Variants in VRK2 observed in about 807,000 individuals in gnomAD.
VRK2 encodes the protein serine/threonine-protein kinase VRK2.
A neutral mutation model predicts 57.6 loss-of-function variants in VRK2; 60 were observed. The ratio of observed to expected loss-of-function variants is 1.04; its 90% CI spans 0.85 to 1.29. VRK2 has a LOEUF of 1.29. Among genes scored for constraint, VRK2 ranks in the 50% most tolerant of loss-of-function variants. The pLI is 0.00. For synonymous variants in VRK2, 231 were observed against 199.2 expected (o/e 1.16, Z -1.35); for missense variants, 705 against 588.1 (o/e 1.20, Z -2.06).
In VRK2 at chr2:58,076,955, A is replaced by G. The variant is rs2104053146; in HGVS notation, c.137-7134A>G. Among the ~76,000 whole-genome samples the G allele has an allele frequency of 2.6e-5, 4 of 152,184 alleles. No homozygotes were observed. In the South Asian group the frequency reaches 8.3e-4, roughly 31 times the overall value. On this transcript the variant is annotated intron_variant, in intron 2 of 12. Coordinates refer to ENST00000340157, the MANE Select transcript of VRK2 (RefSeq NM_006296.7). The stretch of plus-strand genomic sequence containing the variant: ...GATATATTATAAAATAGCACATAGT[A>G]CATTACATAGTTATCAACACCAGAA...
chr2:58,046,412 T>C (rs1674754539), upstream of VRK2: 9 of 866,458 alleles, frequency 1.0e-5, no homozygotes, highest in South Asian at 3.7e-4. Flanking sequence ...CAATAGTTAG[T>C]TGCTCGGCGA....
At chr2:58,050,540 C>A (rs1414659934) in intron 2 of VRK2, among the ~76,000 whole-genome samples, 1 of 152,150 alleles carries the variant, frequency 6.6e-6, no homozygotes, top group Non-Finnish European at 1.5e-5. Context: ...CATAGCTTAT[C>A]ACTTTTGGTT....
chr2:58,062,883 A>G (rs1380150429), intron 2 of VRK2, among the ~76,000 whole-genome samples: 3 of 152,128 alleles, frequency 2.0e-5, no homozygotes, highest in Non-Finnish European at 4.4e-5. Flanking sequence ...GGTTACACTA[A>G]ATAACAAATT....
In VRK2 at chr2:58,131,804, A is replaced by G. The variant is rs780474926; in HGVS notation, c.677-4A>G. On this transcript the variant is annotated splice_region_variant and splice_polypyrimidine_tract_variant and intron_variant, in intron 8 of 12. Transcript: ENST00000340157. ...ATCTTTCTCTCTAATGCTTACTCCT[A>G]TAGCCTTGTCCAGACGAAGTGACGT... 4.5e-5 allele frequency: 73 copies of G among 1,607,924 alleles called. No individual in the cohort carries two copies. Among genetic ancestry groups the G allele is most frequent in the Non-Finnish European group, 6.1e-5 (72 of 1,177,742 alleles).
At chr2:58,002,537 G>C (rs1363903115) in intron 1 of VRK2, among the ~76,000 whole-genome samples, 2 of 151,908 alleles carry the variant, frequency 1.3e-5, no homozygotes, top group Non-Finnish European at 2.9e-5. Context: ...CTTATTTTGA[G>C]AATGAAGAAA....
At chr2:58,052,565 T>G (rs1675907202) in intron 2 of VRK2, among the ~76,000 whole-genome samples, 1 of 146,504 alleles carries the variant, frequency 6.8e-6, no homozygotes, top group African/African-American at 2.6e-5. Context: ...ATTGCACCAC[T>G]GCATTCTAGC....
intron 1 of VRK2, among the ~76,000 whole-genome samples, chr2:57,915,837 G>A (rs962370096): frequency 1.3e-5 from 2 of 152,076 alleles, no homozygotes; most frequent in Admixed American, 6.6e-5. Context: ...CCTGAGCTCC[G>A]CCTCCAGTCA....
intron 2 of VRK2, among the ~76,000 whole-genome samples, chr2:58,067,331 C>G (rs944710249): frequency 4.6e-5 from 7 of 152,092 alleles, no homozygotes; most frequent in Non-Finnish European, 1.0e-4. Flanking sequence ...TTAATACACT[C>G]CTTAATAAAC....
chr2:57,984,723 G>A (rs1672540335), intron 1 of VRK2, among the ~76,000 whole-genome samples: 1 of 151,910 alleles, frequency 6.6e-6, no homozygotes, highest in Non-Finnish European at 1.5e-5. Flanking sequence ...CATCCAATTA[G>A]ATGAGGACAA....
At position 58,150,172 on chromosome 2, in the gene VRK2, GA is replaced by G. The variant is rs1682787292; in HGVS notation, c.1182+3702del. The stretch of plus-strand genomic sequence containing the variant: ...TTGGAAGTGTTGCACTCTGTTTTCA[GA>G]AAATGTTTTTGTAAGATTTGCCTTT... On this transcript the variant is annotated intron_variant, in intron 12 of 12. Coordinates refer to ENST00000340157, the MANE Select transcript of VRK2 (RefSeq NM_006296.7). 2.0e-5 allele frequency among the ~76,000 whole-genome samples: 3 copies of G among 151,422 alleles called. No homozygotes were observed. In the South Asian group the frequency reaches 6.2e-4, roughly 31 times the overall value.
chr2:58,109,040 T>G (rs1675168091), intron 7 of VRK2, among the ~76,000 whole-genome samples: 1 of 152,228 alleles, frequency 6.6e-6, no homozygotes, highest in Non-Finnish European at 1.5e-5. Context: ...TATGCATTCA[T>G]TTTTCTTTTT....
intron 1 of VRK2, among the ~76,000 whole-genome samples, chr2:57,991,058 A>C (rs112839317): frequency 6.7e-6 from 1 of 149,456 alleles, no homozygotes; most frequent in South Asian, 2.1e-4. Flanking sequence ...GAATTGCTTT[A>C]AACAAAAAAA....
At chr2:57,948,132 C>T (rs1269084096) in intron 1 of VRK2, among the ~76,000 whole-genome samples, 1 of 152,122 alleles carries the variant, frequency 6.6e-6, no homozygotes, top group African/African-American at 2.4e-5. Context: ...AAGTGCTATA[C>T]TCAAATTCTT....
At chr2:58,085,785 A>G (rs1671526791) in intron 4 of VRK2, among the ~76,000 whole-genome samples, 1 of 151,972 alleles carries the variant, frequency 6.6e-6, no homozygotes, top group African/African-American at 2.4e-5. Flanking sequence ...AAACATAAAA[A>G]ACATAGGCTA....
At chr2:57,950,440 TCTGGATGTCAG>T (rs1671392772) in intron 1 of VRK2, among the ~76,000 whole-genome samples, 1 of 152,178 alleles carries the variant, frequency 6.6e-6, no homozygotes, top group Admixed American at 6.5e-5. Context: ...GGAACAACAG[TCTGGATGTCAG>T]CTCAAGTCTT....
chr2:58,110,604 G>C (rs554015049), intron 7 of VRK2, among the ~76,000 whole-genome samples: 23 of 152,196 alleles, frequency 1.5e-4, no homozygotes, highest in Admixed American at 3.9e-4. Context: ...CCAAGAATGG[G>C]GTTCTTGGGG....
At chr2:58,042,344 T>C (rs192389862), upstream of VRK2, among the ~76,000 whole-genome samples, 1 of 152,304 alleles carries the variant, frequency 6.6e-6, no homozygotes, top group Admixed American at 6.5e-5. Context: ...AATTCTATTA[T>C]TTTCAAAATT....
At chr2:57,928,952 G>C (rs985546117) in intron 1 of VRK2, among the ~76,000 whole-genome samples, 3 of 152,156 alleles carry the variant, frequency 2.0e-5, no homozygotes, top group Non-Finnish European at 2.9e-5. Context: ...CTGGGGGAGG[G>C]ATGACACAGC....
At chr2:58,057,732 T>G (rs1031454462) in intron 2 of VRK2, among the ~76,000 whole-genome samples, 1 of 152,148 alleles carries the variant, frequency 6.6e-6, no homozygotes, top group African/African-American at 2.4e-5. Flanking sequence ...AAGGTTTGAT[T>G]AAGGGTTTTG....
Sources: allele counts gnomAD v4.1 joint callset (sites outside exome capture counted in the v4.1 genomes callset), GRCh38; gene constraint gnomAD v4.1.1; transcripts MANE v1.5; gene names NCBI Gene and HGNC (gene_info 2026-07-23, HGNC 2026-07-21).